LRMDA: variants seen among roughly 807,000 people sequenced by gnomAD.
The protein encoded by LRMDA is leucine-rich melanocyte differentiation-associated protein.
A neutral mutation model predicts 29.8 loss-of-function variants in LRMDA; 18 were observed. That is an observed-to-expected ratio of 0.60 (90% CI 0.42 to 0.90). LRMDA has a LOEUF of 0.90. Ranked by LOEUF, LRMDA falls within the 40% of genes least tolerant of loss-of-function variation. The pLI, the probability that LRMDA is intolerant of heterozygous loss-of-function variation, is 0.00. For missense variants in LRMDA, 273 were observed against 273.9 expected, an observed-to-expected ratio of 1.00 and a Z score of 0.02; for synonymous variants, 125 against 109.4, an observed-to-expected ratio of 1.14 and a Z score of -0.89.
chr10:75,854,001 G>A (rs1306373058), intron 2 of LRMDA, among the ~76,000 whole-genome samples: 2 of 152,154 alleles, frequency 1.3e-5, no homozygotes, highest in African/African-American at 4.8e-5. Flanking sequence ...AGGCATCTGT[G>A]GGCATTCCTT....
intron 5 of LRMDA, among the ~76,000 whole-genome samples, chr10:76,259,279 G>A (rs1408162665): frequency 6.6e-6 from 1 of 152,036 alleles, no homozygotes; most frequent in Non-Finnish European, 1.5e-5. Context: ...AGCAATGTCT[G>A]TTTAGATCAT....
At chr10:75,543,656 AAGAT>A (rs1419079016) in intron 2 of LRMDA, among the ~76,000 whole-genome samples, 51 of 152,362 alleles carry the variant, frequency 3.3e-4, no homozygotes, top group African/African-American at 1.2e-3. Context: ...ATTCTGAAAT[AAGAT>A]AGATATTTTA....
In LRMDA at chr10:76,420,629, T is replaced by C. The variant is rs111871050; in HGVS notation, c.601+96144T>C. Among the ~76,000 whole-genome samples the C allele has an allele frequency of 8.1e-3, 1,235 of 152,216 alleles. 14 individuals carry two copies. Among genetic ancestry groups the C allele is most frequent in the African/African-American group, 0.028 (1,174 of 41,552 alleles). ...GGATGAATAATTAGATCACTGATGT[T>C]AGGCTTTCTTCTTTTCTAATATATG... On this transcript the variant is annotated intron_variant, in intron 6 of 6. Coordinates refer to ENST00000611255, the MANE Select transcript of LRMDA (RefSeq NM_001305581.2).
chr10:76,022,470 G>C (rs1239892511), intron 2 of LRMDA, among the ~76,000 whole-genome samples: 2 of 152,206 alleles, frequency 1.3e-5, no homozygotes, highest in Non-Finnish European at 2.9e-5. Context: ...TTATTCTAAT[G>C]GAGACTATCT....
chr10:75,484,516 G>T (rs1844889740), intron 2 of LRMDA, among the ~76,000 whole-genome samples: 1 of 152,100 alleles, frequency 6.6e-6, no homozygotes, highest in African/African-American at 2.4e-5. Flanking sequence ...TTACTGTGCT[G>T]CATTTTTCAG....
chr10:76,003,396 T>C (rs1000919681), intron 2 of LRMDA, among the ~76,000 whole-genome samples: 2 of 152,170 alleles, frequency 1.3e-5, no homozygotes, highest in African/African-American at 4.8e-5. Flanking sequence ...CCTCTCTCCC[T>C]TCCTTCTGCC....
chr10:75,975,043 C>T (rs1847046576), intron 2 of LRMDA, among the ~76,000 whole-genome samples: 1 of 152,204 alleles, frequency 6.6e-6, no homozygotes, highest in African/African-American at 2.4e-5. Flanking sequence ...GAAGGACCAG[C>T]ATTTCTTTAA....
intron 6 of LRMDA, among the ~76,000 whole-genome samples, chr10:76,419,432 T>C (rs140741236): frequency 2.2e-4 from 33 of 152,232 alleles, no homozygotes; most frequent in Middle Eastern, 3.4e-3. Flanking sequence ...TGTTTCCTTT[T>C]AGTGCTGAAT....
chr10:75,728,634 A>G (rs1842659268), intron 2 of LRMDA, among the ~76,000 whole-genome samples: 1 of 152,188 alleles, frequency 6.6e-6, no homozygotes, highest in Non-Finnish European at 1.5e-5. Context: ...AGGTTAGTTC[A>G]GAAGAGACGG....
At position 75,972,237 on chromosome 10, in the gene LRMDA, G is replaced by A. The variant is rs184160011; in HGVS notation, c.132-63771G>A. 4.0e-3 allele frequency among the ~76,000 whole-genome samples: 610 copies of A among 152,112 alleles called. 8 individuals are homozygous for A. Among genetic ancestry groups the A allele is most frequent in the Admixed American group, 7.9e-3 (121 of 15,278 alleles). ...ATTCATGAGCTGGTTTCAGTGAAAGGAAAGAAGGAGACTTTGGAGTCTGGA... is the reference window on the plus strand; with the variant it reads ...ATTCATGAGCTGGTTTCAGTGAAAGAAAAGAAGGAGACTTTGGAGTCTGGA... On this transcript the variant is annotated intron_variant, in intron 2 of 6. Coordinates refer to ENST00000611255, the MANE Select transcript of LRMDA (RefSeq NM_001305581.2).
chr10:76,177,668 A>G (rs923133667), intron 5 of LRMDA, among the ~76,000 whole-genome samples: 1 of 152,234 alleles, frequency 6.6e-6, no homozygotes, highest in African/African-American at 2.4e-5. Flanking sequence ...TGGCTGGATT[A>G]GTAACCATTT....
At chr10:76,495,645 A>G (rs1039805401) in intron 6 of LRMDA, among the ~76,000 whole-genome samples, 1 of 151,918 alleles carries the variant, frequency 6.6e-6, no homozygotes, top group African/African-American at 2.4e-5. Context: ...CTCTTCTTGT[A>G]TTTAGGTCTT....
At chr10:75,718,383 G>T (rs558527752) in intron 2 of LRMDA, among the ~76,000 whole-genome samples, 12 of 152,282 alleles carry the variant, frequency 7.9e-5, no homozygotes, top group African/African-American at 2.4e-4. Context: ...AATATGTGAG[G>T]CCTCAAGGAA....
chr10:76,334,663 A>G (rs1840945482), intron 6 of LRMDA, among the ~76,000 whole-genome samples: 1 of 152,070 alleles, frequency 6.6e-6, no homozygotes, highest in Admixed American at 6.5e-5. Flanking sequence ...TTTTCCAATA[A>G]CCTTGGATTT....
intron 5 of LRMDA, among the ~76,000 whole-genome samples, chr10:76,081,645 T>C (rs1456966329): frequency 6.6e-6 from 1 of 152,228 alleles, no homozygotes; most frequent in Non-Finnish European, 1.5e-5. Flanking sequence ...AATTCACCTA[T>C]ACAAGTGGTA....
intron 2 of LRMDA, among the ~76,000 whole-genome samples, chr10:75,734,366 C>T (rs745731831): frequency 1.9e-4 from 29 of 152,116 alleles, no homozygotes; most frequent in Admixed American, 3.3e-4. Context: ...CCCCTGACAT[C>T]CCCCGCCATG....
Position 76,336,576 on chromosome 10 carries a change from G to T in LRMDA, c.601+12091G>T, listed in dbSNP as rs572205191. On this transcript the variant is annotated intron_variant, in intron 6 of 6. Coordinates refer to ENST00000611255, the MANE Select transcript of LRMDA (RefSeq NM_001305581.2). ...ATGTTTCTCAACTAAATGACAAGAG[G>T]GGGTGGGGAGCCAGGGAAATAATGC... Among the ~76,000 whole-genome samples, 12 of 152,244 alleles carry T rather than the reference G, an allele frequency of 7.9e-5. No individual in the cohort carries two copies. The East Asian group carries it at 9.7e-4, about 12-fold the overall frequency.
chr10:75,888,002 A>G (rs538393202), intron 2 of LRMDA, among the ~76,000 whole-genome samples: 1 of 152,332 alleles, frequency 6.6e-6, no homozygotes, highest in East Asian at 1.9e-4. Flanking sequence ...AATATAGTCA[A>G]TGACTCTGGA....
At chr10:76,146,625 G>A (rs575143596) in intron 5 of LRMDA, among the ~76,000 whole-genome samples, 29 of 152,168 alleles carry the variant, frequency 1.9e-4, no homozygotes, top group Middle Eastern at 3.4e-3. Context: ...CACACCGATG[G>A]GTCTTGACTA....
Sources: allele counts gnomAD v4.1 joint callset (sites outside exome capture counted in the v4.1 genomes callset), GRCh38; gene constraint gnomAD v4.1.1; transcripts MANE v1.5; gene names NCBI Gene and HGNC (gene_info 2026-07-23, HGNC 2026-07-21).